The following UGP2 variants were observed in gnomAD, a reference collection of about 807,000 sequenced individuals.
UGP2 encodes the protein UTP--glucose-1-phosphate uridylyltransferase.
A neutral mutation model predicts 49.0 loss-of-function variants in UGP2; 40 were observed. That is an observed-to-expected ratio of 0.82 (90% confidence interval 0.63 to 1.06). The LOEUF (loss-of-function observed/expected upper bound fraction) is 1.06, where lower values mean the gene tolerates loss of function less well. Among genes scored for constraint, UGP2 ranks in the 50% least tolerant of loss-of-function variants. The probability of loss-of-function intolerance (pLI) is 0.00; values close to 1 mark genes in which losing one functional copy is unlikely to be tolerated. For missense variants in UGP2, 460 were observed against 603.5 expected, an observed-to-expected ratio of 0.76 and a Z score of 2.49; for synonymous variants, 225 against 213.0, an observed-to-expected ratio of 1.06 and a Z score of -0.49.
At chr2:63,859,822 A>G (rs1669711790) in intron 3 of UGP2, among the ~76,000 whole-genome samples, 1 of 152,254 alleles carries the variant, frequency 6.6e-6, no homozygotes, top group Admixed American at 6.5e-5. Flanking sequence ...GCAATCCCAT[A>G]TGCCCTTAAT....
At chr2:63,878,571 C>T (rs1356429574) in intron 3 of UGP2, among the ~76,000 whole-genome samples, 2 of 152,106 alleles carry the variant, frequency 1.3e-5, no homozygotes, top group South Asian at 4.1e-4. Context: ...CTACAAGGAA[C>T]TTTGTACCTA....
At chr2:63,875,488 A>C (rs1042540332) in intron 3 of UGP2, among the ~76,000 whole-genome samples, 1 of 152,236 alleles carries the variant, frequency 6.6e-6, no homozygotes, top group Non-Finnish European at 1.5e-5. Context: ...TTCTAACTGG[A>C]AACTAAGTTG....
chr2:63,873,707 G>A (rs139018483), intron 3 of UGP2, among the ~76,000 whole-genome samples: 9 of 152,218 alleles, frequency 5.9e-5, no homozygotes, highest in East Asian at 5.8e-4. Flanking sequence ...CTGGAGCAGC[G>A]TGTTAGGGGG....
intron 1 of UGP2, among the ~76,000 whole-genome samples, chr2:63,845,901 G>A (rs927878594): frequency 1.3e-5 from 2 of 152,112 alleles, no homozygotes; most frequent in African/African-American, 4.8e-5. Context: ...AGGTGGAAAT[G>A]TTCAATTAAT....
In UGP2 at chr2:63,891,115, C is replaced by T. The variant is rs1672122618; in HGVS notation, c.1420-5C>T. 6.2e-7 allele frequency: 1 copy of T among 1,609,182 alleles called. No individual in the cohort carries two copies. Among genetic ancestry groups the T allele is most frequent in the Non-Finnish European group, 8.5e-7 (1 of 1,176,844 alleles). ...GTACACTCTTTTGTTTTCCCTGTCA[C>T]TTAGGGAACGGTTATCATCATTGCA... On this transcript the variant is annotated splice_region_variant and splice_polypyrimidine_tract_variant and intron_variant, in intron 9 of 9. Transcript: ENST00000337130.
intron 5 of UGP2, among the ~76,000 whole-genome samples, chr2:63,884,991 T>TA (rs1264522960): frequency 3.2e-5 from 4 of 123,950 alleles, no homozygotes; most frequent in East Asian, 4.8e-4. Flanking sequence ...TTCCCATGGT[T>TA]ACTTTTTTTT....
intron 3 of UGP2, among the ~76,000 whole-genome samples, chr2:63,859,460 A>G (rs1275058751): frequency 2.6e-5 from 4 of 152,164 alleles, no homozygotes; most frequent in African/African-American, 9.7e-5. Context: ...GGAGAAATCT[A>G]TCTTTTGTAC....
intron 3 of UGP2, among the ~76,000 whole-genome samples, chr2:63,881,682 G>A (rs1414147362): frequency 6.6e-6 from 1 of 152,158 alleles, no homozygotes; most frequent in Non-Finnish European, 1.5e-5. Flanking sequence ...TTCCTTTCCT[G>A]TAAGGGAGAA....
At chr2:63,872,924 A>C (rs565091138) in intron 3 of UGP2, among the ~76,000 whole-genome samples, 2 of 152,252 alleles carry the variant, frequency 1.3e-5, no homozygotes, top group South Asian at 2.1e-4. Context: ...GATGCTAGCC[A>C]GCACTTCTGG....
At chr2:63,856,240 A>G in intron 1 of UGP2, 66 bp from the exon 2 acceptor site, 3 of 1,566,228 alleles carry the variant, frequency 1.9e-6, no homozygotes, top group Middle Eastern at 1.7e-4. Context: ...AATCAGTTAT[A>G]GCTTACCAGC....
At chr2:63,883,196 CA>C (rs1671430525) in intron 4 of UGP2, 1 of 152,220 alleles carries the variant, frequency 6.6e-6, no homozygotes, top group African/African-American at 2.4e-5. Context: ...AACATGTATT[CA>C]GCACTTATTG....
At chr2:63,857,563 C>A (rs1295528200) in intron 2 of UGP2, 1 of 495,926 alleles carries the variant, frequency 2.0e-6, no homozygotes, top group African/African-American at 1.9e-5. Flanking sequence ...CCGGGTTTTG[C>A]CATATTGCCG....
chr2:63,879,993 A>G (rs1001850588), intron 3 of UGP2, among the ~76,000 whole-genome samples: 11 of 152,166 alleles, frequency 7.2e-5, no homozygotes, highest in African/African-American at 2.7e-4. Flanking sequence ...GGTCCTTGCT[A>G]GGAAGTGAAA....
At chr2:63,871,177 C>T (rs1303696818) in intron 3 of UGP2, among the ~76,000 whole-genome samples, 1 of 152,182 alleles carries the variant, frequency 6.6e-6, no homozygotes, top group Non-Finnish European at 1.5e-5. Context: ...GACTCTGTAG[C>T]ATTAAAGAAC....
In UGP2 at chr2:63,891,138, G is replaced by A. The variant is rs200565073; in HGVS notation, c.1438G>A (p.Ala480Thr). Residue 480 changes from alanine to threonine, a missense_variant, in exon 10 of 10, where the codon GCA becomes ACA. Coordinates refer to ENST00000337130, the MANE Select transcript of UGP2 (RefSeq NM_006759.4). ...VSLKGTVIII[A>T]NHGDRIDIPP... ...CACTTAGGGAACGGTTATCATCATT[G>A]CAAATCATGGTGACAGAATTGATAT... 7 of 1,612,926 alleles carry A rather than the reference G, an allele frequency of 4.3e-6. 1 individual carries two copies. Among genetic ancestry groups the A allele is most frequent in the Middle Eastern group, 1.7e-4 (1 of 6,058 alleles).
At chr2:63,847,141 G>C (rs891003858) in intron 1 of UGP2, among the ~76,000 whole-genome samples, 2 of 152,156 alleles carry the variant, frequency 1.3e-5, no homozygotes, top group African/African-American at 4.8e-5. Flanking sequence ...AGGGACATTA[G>C]AGAAATTAGA....
intron 3 of UGP2, among the ~76,000 whole-genome samples, chr2:63,877,574 G>T (rs1276609046): frequency 1.3e-5 from 2 of 152,206 alleles, no homozygotes; most frequent in Non-Finnish European, 2.9e-5. Flanking sequence ...CTAGAAATTT[G>T]GTGATGGAGT....
At chr2:63,889,532 G>A (rs1671932306) in intron 8 of UGP2, 1 of 152,706 alleles carries the variant, frequency 6.5e-6, no homozygotes, top group South Asian at 2.1e-4. Flanking sequence ...ATGGAAACAA[G>A]TGGAAGTTTT....
chr2:63,863,433 T>C (rs933769373), intron 3 of UGP2, among the ~76,000 whole-genome samples: 1 of 152,152 alleles, frequency 6.6e-6, no homozygotes, highest in African/African-American at 2.4e-5. Flanking sequence ...GTTGGGAGCA[T>C]TATAATTTTA....
Sources: allele counts gnomAD v4.1 joint callset (sites outside exome capture counted in the v4.1 genomes callset), GRCh38; gene constraint gnomAD v4.1.1; transcripts MANE v1.5; gene names NCBI Gene and HGNC (gene_info 2026-07-23, HGNC 2026-07-21).